The following ITPR2 variants were observed in gnomAD, a reference collection of about 807,000 sequenced individuals.
ITPR2 encodes the protein inositol 1,4,5-trisphosphate receptor type 2.
A neutral mutation model predicts 317.1 loss-of-function variants in ITPR2; 207 were observed. The observed-to-expected ratio is 0.65, with a 90% CI of 0.58 to 0.73. ITPR2 has a LOEUF of 0.73. Among genes scored for constraint, ITPR2 ranks in the 30% least tolerant of loss-of-function variants. The pLI is 0.00. For synonymous variants in ITPR2, 1,156 were observed against 1,149.1 expected (o/e 1.01, Z -0.12); for missense variants, 2,613 against 3,284.0 (o/e 0.80, Z 4.99).
At chr12:26,603,178 C>T (rs900634597) in intron 26 of ITPR2, among the ~76,000 whole-genome samples, 7 of 152,126 alleles carry the variant, frequency 4.6e-5, no homozygotes, top group African/African-American at 1.7e-4. Flanking sequence ...CAACTTAACA[C>T]AACAATTCTC....
intron 36 of ITPR2, among the ~76,000 whole-genome samples, chr12:26,555,054 A>G (rs1242764529): frequency 6.6e-6 from 1 of 151,946 alleles, no homozygotes; most frequent in Non-Finnish European, 1.5e-5. Flanking sequence ...GGACAAATAC[A>G]CTCTTCCCAA....
intron 16 of ITPR2, 129 bp from the exon 17 acceptor site, chr12:26,658,259 T>C (rs1947419109): frequency 3.7e-6 from 2 of 538,956 alleles, no homozygotes; most frequent in Admixed American, 8.2e-5. Flanking sequence ...CCACACAACA[T>C]TTGTCTAATG....
At chr12:26,748,522 C>T (rs1949363313) in intron 2 of ITPR2, among the ~76,000 whole-genome samples, 1 of 152,178 alleles carries the variant, frequency 6.6e-6, no homozygotes, top group South Asian at 2.1e-4. Flanking sequence ...TTGACGATTG[C>T]TCCTATCTGA....
chr12:26,748,359 G>A (rs774781272), intron 2 of ITPR2, among the ~76,000 whole-genome samples: 19 of 151,968 alleles, frequency 1.3e-4, no homozygotes, highest in Non-Finnish European at 2.5e-4. Context: ...GCACCCAGCC[G>A]AGGCTTTCCT....
intron 23 of ITPR2, among the ~76,000 whole-genome samples, chr12:26,625,063 T>C (rs1376405609): frequency 6.6e-6 from 1 of 152,096 alleles, no homozygotes; most frequent in Non-Finnish European, 1.5e-5. Flanking sequence ...TGGAGGTCAT[T>C]ATGTTAAATG....
intron 45 of ITPR2, among the ~76,000 whole-genome samples, chr12:26,464,335 G>C (rs918611305): frequency 1.9e-4 from 29 of 152,178 alleles, no homozygotes; most frequent in African/African-American, 7.0e-4. Flanking sequence ...GACAGTAACA[G>C]ATCATCATGC....
intron 2 of ITPR2, among the ~76,000 whole-genome samples, chr12:26,737,088 C>G (rs1347717331): frequency 6.6e-6 from 1 of 152,066 alleles, no homozygotes; most frequent in Non-Finnish European, 1.5e-5. Context: ...CAAGGGGAAA[C>G]TCGCCAGCAA....
At position 26,626,952 on chromosome 12, in the gene ITPR2, C is replaced by CA. The variant is rs1042808390; in HGVS notation, c.3064+1080dup. ...CTATAATGACTTGGCCTGACCTGTCCAAAAAAAAAAATGGTAATTTAATAT... is the reference window on the plus strand; with the variant it reads ...CTATAATGACTTGGCCTGACCTGTCCAAAAAAAAAAAATGGTAATTTAATAT... On this transcript the variant is annotated intron_variant, in intron 23 of 56. Coordinates refer to ENST00000381340, the MANE Select transcript of ITPR2 (RefSeq NM_002223.4). 2.7e-3 allele frequency among the ~76,000 whole-genome samples: 373 copies of CA among 139,862 alleles called. 1 individual carries two copies. Among genetic ancestry groups the CA allele is most frequent in the African/African-American group, 8.6e-3 (329 of 38,176 alleles). The allele number at this position is 139,862 out of a possible 152,430, so 91.8% of individuals were successfully genotyped here. A position where few individuals can be genotyped will look rare whatever the true frequency, so the allele number is the denominator to read the frequency against.
At chr12:26,576,800 G>A (rs1945289462) in intron 34 of ITPR2, among the ~76,000 whole-genome samples, 1 of 152,206 alleles carries the variant, frequency 6.6e-6, no homozygotes, top group African/African-American at 2.4e-5. Context: ...CAAGGGAGGT[G>A]CTATGGCTTT....
intron 55 of ITPR2, among the ~76,000 whole-genome samples, chr12:26,371,459 A>C (rs562013158): frequency 6.6e-6 from 1 of 152,326 alleles, no homozygotes; most frequent in South Asian, 2.1e-4. Flanking sequence ...AAACAAAGAC[A>C]GTGAAAAACA....
chr12:26,446,394 A>C (rs1382842600), intron 45 of ITPR2, among the ~76,000 whole-genome samples: 1 of 152,116 alleles, frequency 6.6e-6, no homozygotes, highest in East Asian at 1.9e-4. Flanking sequence ...AGATACTTAA[A>C]TACTGGAACT....
At chr12:26,489,236 G>A (rs530552012) in intron 39 of ITPR2, among the ~76,000 whole-genome samples, 1 of 152,184 alleles carries the variant, frequency 6.6e-6, no homozygotes, top group Non-Finnish European at 1.5e-5. Flanking sequence ...TAGAGTGTAA[G>A]GGGAAAGAAA....
intron 2 of ITPR2, among the ~76,000 whole-genome samples, chr12:26,757,010 T>C (rs898305990): frequency 1.7e-4 from 26 of 152,190 alleles, no homozygotes; most frequent in African/African-American, 6.3e-4. Flanking sequence ...ACTCTGGTCA[T>C]CCTCACTGCT....
intron 37 of ITPR2, among the ~76,000 whole-genome samples, chr12:26,504,560 A>G (rs1217463221): frequency 6.6e-6 from 1 of 152,258 alleles, no homozygotes; most frequent in African/African-American, 2.4e-5. Context: ...ACACCATTTT[A>G]TACCCAATAA....
chr12:26,597,010 A>C lies in ITPR2; in HGVS notation c.4127T>G (p.Ile1376Ser). ...GDESGPLAYHITLVELLAACT... is the reference protein window; with the variant it reads ...GDESGPLAYHSTLVELLAACT... ...TGCTGCCAGCAACTCCACCAGGGTG[A>C]TGTGGTAGGCTAAGGGGCCACTCTC... Residue 1376 changes from isoleucine (I) to serine (S), a missense_variant, in exon 31 of 57, where the codon ATC (isoleucine) becomes AGC (serine). Ile to Ser is a moderately radical substitution (Grantham distance 142, BLOSUM62 -2). Coordinates refer to ENST00000381340, the MANE Select transcript of ITPR2 (RefSeq NM_002223.4). 6.2e-7 allele frequency: 1 copy of C among 1,613,948 alleles called. No individual in the cohort carries two copies. The highest frequency in any genetic ancestry group is 8.5e-7 in the Non-Finnish European group (1 of 1,179,936).
chr12:26,763,698 G>C (rs1949675006), intron 2 of ITPR2, among the ~76,000 whole-genome samples: 1 of 152,082 alleles, frequency 6.6e-6, no homozygotes, highest in Non-Finnish European at 1.5e-5. Flanking sequence ...TTTGGAGAGT[G>C]AAACTGTGGC....
rs559427741 is a variant in ITPR2, at chr12:26,686,470, A to T, written c.1148+11T>A. On this transcript the variant is annotated intron_variant, in intron 11 of 56. Transcript: ENST00000381340. ...TTCAAAGAAACATCTTTTAACCATA[A>T]TTTTTTTTACCTTGGAACCAGGCAG... The T allele has an allele frequency of 1.9e-6, 3 of 1,540,384 alleles. No individual in the cohort carries two copies. Among genetic ancestry groups the T allele is most frequent in the African/African-American group, 1.4e-5 (1 of 72,142 alleles).
At chr12:26,464,904 G>A in intron 45 of ITPR2, among the ~76,000 whole-genome samples, 1 of 152,198 alleles carries the variant, frequency 6.6e-6, no homozygotes, top group East Asian at 1.9e-4. Flanking sequence ...CACAGGGTGG[G>A]AGGACCAAGA....
rs144233124 is a variant in ITPR2, at chr12:26,432,654, T to C, written c.6769+3567A>G. On this transcript the variant is annotated intron_variant, in intron 48 of 56. Transcript: ENST00000381340. ...GGTGACATTTATTTCCGTCATTCTG[T>C]CTACATTTTATTAATTGGAATACAA... Among the ~76,000 whole-genome samples, 868 of 152,332 alleles carry C rather than the reference T, an allele frequency of 5.7e-3. 30 individuals are homozygous for C. The highest frequency in any genetic ancestry group is 0.052 in the Admixed American group (801 of 15,288).
Sources: gnomAD v4.1 joint callset for allele counts (sites outside exome capture counted in the v4.1 genomes callset) on GRCh38, gnomAD v4.1.1 for gene constraint, MANE v1.5 for transcripts, NCBI Gene and HGNC (gene_info 2026-07-23, HGNC 2026-07-21) for gene names.